PLGRKT: variants seen among roughly 807,000 people sequenced by gnomAD.
PLGRKT encodes the protein plasminogen receptor with a C-terminal lysine, also known as plasminogen receptor (KT).
Under a neutral mutation model 18.5 loss-of-function variants are expected in PLGRKT, and 22 were observed. That is an observed-to-expected ratio of 1.19 (90% CI 0.85 to 1.70). PLGRKT has a LOEUF of 1.70. Ranked by LOEUF, PLGRKT falls within the 40% of genes most tolerant of loss-of-function variation. The pLI, the probability that PLGRKT is intolerant of heterozygous loss-of-function variation, is 0.00. For missense variants in PLGRKT, 235 were observed against 174.4 expected, an observed-to-expected ratio of 1.35 and a Z score of -1.96; for synonymous variants, 72 against 52.8, an observed-to-expected ratio of 1.36 and a Z score of -1.58.
At chr9:5,423,046 G>C (rs974128287) in intron 3 of PLGRKT, among the ~76,000 whole-genome samples, 2 of 151,652 alleles carry the variant, frequency 1.3e-5, no homozygotes, top group Admixed American at 1.3e-4. Context: ...ATAAAGTTTT[G>C]GGGTTTTTCT....
chr9:5,424,666 T>TATA lies in PLGRKT; in HGVS notation c.81+7230_81+7231insTAT, dbSNP rs1491528499. On this transcript the variant is annotated intron_variant, in intron 3 of 5. Coordinates refer to ENST00000223864, the MANE Select transcript of PLGRKT (RefSeq NM_018465.4). The stretch of plus-strand genomic sequence containing the variant: ...ACATTATATATAATATAATTATATA[T>TATA]TTTATATATATATATATATATATAT... Among the ~76,000 whole-genome samples the TATA allele has an allele frequency of 1.9e-4, 20 of 103,220 alleles. No homozygotes were observed. The East Asian group carries it at 2.6e-3, about 14-fold the overall frequency. The allele number at this position is 103,220 out of a possible 152,430, so 67.7% of individuals were successfully genotyped here.
intron 3 of PLGRKT, among the ~76,000 whole-genome samples, chr9:5,419,455 C>A (rs1209179652): frequency 6.6e-6 from 1 of 152,234 alleles, no homozygotes; most frequent in Non-Finnish European, 1.5e-5. Context: ...GCCACGGACG[C>A]TACAGCTTCG....
At chr9:5,399,480 G>C (rs1818115173) in intron 3 of PLGRKT, among the ~76,000 whole-genome samples, 1 of 151,558 alleles carries the variant, frequency 6.6e-6, no homozygotes, top group Admixed American at 6.6e-5. Context: ...TGCATTTTTA[G>C]ATTGTCCGGT....
chr9:5,368,282 A>G (rs938488070), intron 3 of PLGRKT, among the ~76,000 whole-genome samples: 1 of 152,210 alleles, frequency 6.6e-6, no homozygotes, highest in Non-Finnish European at 1.5e-5. Context: ...GTATCTACTC[A>G]TATTTTCATC....
intron 3 of PLGRKT, among the ~76,000 whole-genome samples, chr9:5,380,988 C>T (rs1170187456): frequency 6.6e-6 from 1 of 152,172 alleles, no homozygotes; most frequent in Non-Finnish European, 1.5e-5. Flanking sequence ...GGCACTTCCC[C>T]CTTTCTCTCT....
At chr9:5,386,627 T>C (rs1406909786) in intron 3 of PLGRKT, among the ~76,000 whole-genome samples, 1 of 151,870 alleles carries the variant, frequency 6.6e-6, no homozygotes, top group Non-Finnish European at 1.5e-5. Context: ...GTGACTCTGC[T>C]CCTGCCCCAG....
chr9:5,393,088 C>G (rs538065817), intron 3 of PLGRKT, among the ~76,000 whole-genome samples: 1 of 151,686 alleles, frequency 6.6e-6, no homozygotes, highest in South Asian at 2.1e-4. Flanking sequence ...GTGATCCACC[C>G]GCCTCAGCCT....
intron 3 of PLGRKT, among the ~76,000 whole-genome samples, chr9:5,382,640 T>A (rs1309236499): frequency 2.6e-5 from 4 of 152,176 alleles, no homozygotes; most frequent in African/African-American, 9.7e-5. Context: ...TTAGACTTCG[T>A]GGGGAGCCAC....
At chr9:5,384,461 T>C (rs1427059218) in intron 3 of PLGRKT, among the ~76,000 whole-genome samples, 1 of 152,196 alleles carries the variant, frequency 6.6e-6, no homozygotes, top group Admixed American at 6.5e-5. Context: ...ATGCTAGACA[T>C]GGAGAGGAAT....
intron 3 of PLGRKT, among the ~76,000 whole-genome samples, chr9:5,407,862 A>C (rs1818285462): frequency 6.6e-6 from 1 of 152,182 alleles, no homozygotes; most frequent in Non-Finnish European, 1.5e-5. Context: ...TGCCACTCTT[A>C]ATTGCATCTG....
chr9:5,435,337 AAG>A (rs376311666), intron 2 of PLGRKT, among the ~76,000 whole-genome samples: 1 of 139,672 alleles, frequency 7.2e-6, no homozygotes, highest in African/African-American at 3.3e-5. Context: ...AAAAAAAAAA[AAG>A]AAGAAGATTG....
intron 3 of PLGRKT, among the ~76,000 whole-genome samples, chr9:5,385,910 T>C (rs1358489573): frequency 6.6e-6 from 1 of 151,876 alleles, no homozygotes; most frequent in Non-Finnish European, 1.5e-5. Flanking sequence ...TATTGCCCAT[T>C]AGCATTATTT....
chr9:5,366,250 T>C (rs1468796958), intron 3 of PLGRKT, among the ~76,000 whole-genome samples: 1 of 152,156 alleles, frequency 6.6e-6, no homozygotes, highest in Non-Finnish European at 1.5e-5. Context: ...TACATTCATT[T>C]TCAACCTTCC....
At chr9:5,370,757 A>AT (rs1817498371) in intron 3 of PLGRKT, among the ~76,000 whole-genome samples, 1 of 152,214 alleles carries the variant, frequency 6.6e-6, no homozygotes, top group Non-Finnish European at 1.5e-5. Flanking sequence ...CCAAAAGAAA[A>AT]TCGATGTTTC....
At chr9:5,389,305 T>C (rs1230687644) in intron 3 of PLGRKT, among the ~76,000 whole-genome samples, 1 of 151,960 alleles carries the variant, frequency 6.6e-6, no homozygotes, top group Admixed American at 6.6e-5. Flanking sequence ...CATGTGGTTG[T>C]CAGTGCCTGG....
chr9:5,420,474 T>C (rs1818553868), intron 3 of PLGRKT, among the ~76,000 whole-genome samples: 1 of 152,124 alleles, frequency 6.6e-6, no homozygotes. Context: ...ATGGGGAGAC[T>C]ACGGCAGGTA....
intron 3 of PLGRKT, among the ~76,000 whole-genome samples, chr9:5,400,113 C>T (rs1444270399): frequency 6.6e-6 from 1 of 151,762 alleles, no homozygotes; most frequent in Non-Finnish European, 1.5e-5. Context: ...GGTAGATTAG[C>T]AGTTACTAAT....
At position 5,358,188 on chromosome 9, in the gene PLGRKT, T is replaced by A. The variant is rs760423408; in HGVS notation, c.*51A>T. 7.0e-6 allele frequency: 10 copies of A among 1,424,332 alleles called. No homozygotes were observed. The highest frequency in any genetic ancestry group is 5.4e-5 in the South Asian group (4 of 74,120). The allele number at this position is 1,424,332 out of a possible 1,614,324, so 88.2% of individuals were successfully genotyped here. Reference sequence around the variant, plus strand: ...AGCATTTAAAAAACTGTAAAAACCATGATTCAAGTCAATAATTCTGTGCTT... The same window carrying A: ...AGCATTTAAAAAACTGTAAAAACCAAGATTCAAGTCAATAATTCTGTGCTT... On this transcript the variant is annotated 3_prime_UTR_variant, in exon 6 of 6. Coordinates refer to ENST00000223864, the MANE Select transcript of PLGRKT (RefSeq NM_018465.4).
intron 3 of PLGRKT, among the ~76,000 whole-genome samples, chr9:5,388,655 T>C (rs1050616136): frequency 3.9e-5 from 6 of 152,082 alleles, no homozygotes; most frequent in Non-Finnish European, 8.8e-5. Flanking sequence ...TCAGTCGCCC[T>C]GGTCCTAAAG....
Sources: gnomAD v4.1 joint callset for allele counts (sites outside exome capture counted in the v4.1 genomes callset) on GRCh38, gnomAD v4.1.1 for gene constraint, MANE v1.5 for transcripts, NCBI Gene and HGNC (gene_info 2026-07-23, HGNC 2026-07-21) for gene names.